The following PRPF6 variants were observed in gnomAD, a reference collection of about 807,000 sequenced individuals.
PRPF6 encodes the protein pre-mRNA-processing factor 6.
Under a neutral mutation model 118.3 loss-of-function variants are expected in PRPF6, and 42 were observed. The ratio of observed to expected loss-of-function variants is 0.35; its 90% CI spans 0.28 to 0.46. The LOEUF (loss-of-function observed/expected upper bound fraction) is 0.46, where lower values mean the gene tolerates loss of function less well. Among genes scored for constraint, PRPF6 ranks in the 20% least tolerant of loss-of-function variants. The pLI is 1.00. For synonymous variants in PRPF6, 481 were observed against 485.1 expected (o/e 0.99, Z 0.11); for missense variants, 662 against 1,255.7 (o/e 0.53, Z 7.15).
At chr20:64,016,954 T>TA in intron 12 of PRPF6, 109 bp downstream of exon 12, 1 of 1,280,172 alleles carries the variant, frequency 7.8e-7, no homozygotes, top group South Asian at 1.3e-5. Flanking sequence ...TTTTTTTTTT[T>TA]AAATCTGAGA....
intron 9 of PRPF6, among the ~76,000 whole-genome samples, chr20:64,007,004 T>C (rs1390739495): frequency 6.6e-6 from 1 of 152,244 alleles, no homozygotes; most frequent in African/African-American, 2.4e-5. Flanking sequence ...GACTTTTGTC[T>C]TCTCAGTCCC....
At chr20:64,000,201 A>G (rs913827879) in intron 8 of PRPF6, among the ~76,000 whole-genome samples, 4 of 151,980 alleles carry the variant, frequency 2.6e-5, no homozygotes, top group African/African-American at 7.3e-5. Context: ...TCACCCGCCT[A>G]ATGGTGGCCA....
rs776784719 is a variant in PRPF6, at chr20:64,032,835, C to G, written c.2674-6C>G. On this transcript the variant is annotated splice_region_variant and splice_polypyrimidine_tract_variant and intron_variant, in intron 20 of 20. Transcript: ENST00000266079. ...CCCTGCCTGACGTGCCCTGTGGTCCCCCCAGGAGCAGCAGGAGGAGGTGAG... is the reference window on the plus strand; with the variant it reads ...CCCTGCCTGACGTGCCCTGTGGTCCGCCCAGGAGCAGCAGGAGGAGGTGAG... 2 of 1,605,126 alleles carry G rather than the reference C, an allele frequency of 1.2e-6. No homozygotes were observed. The highest frequency in any genetic ancestry group is 2.7e-5 in the African/African-American group (2 of 74,716).
chr20:64,025,685 C>T (rs562238791), intron 14 of PRPF6, among the ~76,000 whole-genome samples: 50 of 152,330 alleles, frequency 3.3e-4, no homozygotes, highest in Non-Finnish European at 3.4e-4. Flanking sequence ...CGTTATTGCT[C>T]GAGTGCTTTA....
rs767880837 is a variant in PRPF6, at chr20:63,995,057, G to A, written c.580G>A (p.Gly194Arg). The change falls in exon 5 of 21, where the codon GGA (glycine) becomes AGA (arginine). Residue 194 changes from glycine (G) to arginine (R), a missense_variant. Physicochemically the swap from Gly to Arg is moderately radical, Grantham distance 125 (BLOSUM62 -2). Coordinates refer to ENST00000266079, the MANE Select transcript of PRPF6 (RefSeq NM_012469.4). ...DSFFAKHLQT[G>R]ENHTSVDPRQ... ...TTTCTTTGCCAAACATTTACAGACC[G>A]GAGAGAACCATACCTCAGTGGATCC... 7.4e-6 allele frequency: 12 copies of A among 1,614,000 alleles called. No individual in the cohort carries two copies. The highest frequency in any genetic ancestry group is 4.0e-5 in the African/African-American group (3 of 74,888).
chr20:63,981,299 G>A lies in PRPF6; in HGVS notation c.54G>A (p.Val18=), dbSNP rs1264303771. 6.2e-7 allele frequency: 1 copy of A among 1,605,424 alleles called. No individual in the cohort carries two copies. The highest frequency in any genetic ancestry group is 8.5e-7 in the Non-Finnish European group (1 of 1,176,216). The change falls in exon 1 of 21, where the codon GTG becomes GTA. Residue 18 remains valine, a synonymous_variant. Transcript: ENST00000266079. ...FLGMPAPLGY[V]PGLGRGATGF... ...GGATGCCCGCGCCCCTCGGCTACGT[G>A]CCGGGGCTGGGCCGGGGGTGAGGCC...
In PRPF6 at chr20:64,011,830, TGATACACCTAC is replaced by T. The variant is rs1259941312; in HGVS notation, c.1524+330_1524+340del. ...TGGCTTCTTTCTTTGCTAGTAGAAA[TGATACACCTAC>T]GAGAGGAGGACAGGAAGTCTCACGG... On this transcript the variant is annotated intron_variant, in intron 11 of 20. Transcript: ENST00000266079. The surrounding 1 kb of genome is among the most constrained non-coding windows in gnomAD (Gnocchi z 6.7). Among the ~76,000 whole-genome samples the T allele has an allele frequency of 2.7e-5, 3 of 110,778 alleles. No homozygotes were observed. Among genetic ancestry groups the T allele is most frequent in the African/African-American group, 3.8e-5 (1 of 26,096 alleles). 72.7% of individuals were successfully genotyped at this position (110,778 alleles called of 152,430 possible). A position where few individuals can be genotyped will look rare whatever the true frequency, so the allele number is the denominator to read the frequency against.
At chr20:64,020,808 A>G (rs1438057161) in intron 12 of PRPF6, among the ~76,000 whole-genome samples, 1 of 134,766 alleles carries the variant, frequency 7.4e-6, no homozygotes, top group East Asian at 2.2e-4. Flanking sequence ...TTTTTTTGAG[A>G]CAAGGTCTCT....
rs1016352825 is a variant in PRPF6, at chr20:63,981,150, C to T, written c.-96C>T. ...ACGCGACGACGGCGACACTTTGCTA[C>T]GGAGTGCATCGGACGTCGAAGCCTA... On this transcript the variant is annotated 5_prime_UTR_variant, in exon 1 of 21. It adds an upstream start codon to the 5' untranslated region. Transcript: ENST00000266079. 1.6e-5 allele frequency: 21 copies of T among 1,311,234 alleles called. No homozygotes were observed. The highest frequency in any genetic ancestry group is 2.2e-5 in the Non-Finnish European group (20 of 929,188). 81.2% of individuals were successfully genotyped at this position (1,311,234 alleles called of 1,614,324 possible).
chr20:63,994,081 C>G (rs567393177), intron 4 of PRPF6, among the ~76,000 whole-genome samples: 1 of 151,732 alleles, frequency 6.6e-6, no homozygotes, highest in Admixed American at 6.6e-5. Flanking sequence ...TAAACTGTGT[C>G]CCCTGGGCTT....
chr20:63,983,314 G>C lies in PRPF6; in HGVS notation c.240+99G>C, dbSNP rs969858262. 3.4e-6 allele frequency: 5 copies of C among 1,452,490 alleles called. No individual in the cohort carries two copies. In the Admixed American group the frequency reaches 8.5e-5, roughly 25 times the overall value. The allele number at this position is 1,452,490 out of a possible 1,614,324, so 90.0% of individuals were successfully genotyped here. ...TGTCTGTAATGAATGGCTTGGAGTG[G>C]CTCATGCATTTAAATTTTAGCTATT... On this transcript the variant is annotated intron_variant, in intron 2 of 20. Transcript: ENST00000266079.
Position 64,029,107 on chromosome 20 carries a change from C to T in PRPF6, c.2432-270C>T, listed in dbSNP as rs1464079345. Among the ~76,000 whole-genome samples the T allele has an allele frequency of 6.6e-6, 1 of 152,172 alleles. No homozygotes were observed. Among genetic ancestry groups the T allele is most frequent in the African/African-American group, 2.4e-5 (1 of 41,442 alleles). ...GCTTGAGCCCGGGAGTGGGAGGTTG[C>T]AGTGAGCTGAGATTGCGCCATTGCA... On this transcript the variant is annotated intron_variant, in intron 18 of 20. Coordinates refer to ENST00000266079, the MANE Select transcript of PRPF6 (RefSeq NM_012469.4). This position sits in a 1 kb window ranked among gnomAD's most constrained non-coding sequence, Gnocchi z 4.8.
chr20:63,991,137 C>T (rs1484846118), intron 3 of PRPF6, among the ~76,000 whole-genome samples: 1 of 152,072 alleles, frequency 6.6e-6, no homozygotes, highest in Admixed American at 6.5e-5. Flanking sequence ...TTTTAAAAAA[C>T]ATCAGGCTGG....
chr20:63,989,230 A>G (rs188656446), intron 3 of PRPF6, among the ~76,000 whole-genome samples: 1 of 152,326 alleles, frequency 6.6e-6, no homozygotes, highest in East Asian at 1.9e-4. Context: ...ACCACATACA[A>G]AAATCAAATT....
chr20:64,032,035 T>C lies in PRPF6; in HGVS notation c.2664T>C (p.His888=). The C allele has an allele frequency of 3.7e-6, 6 of 1,614,060 alleles. No individual in the cohort carries two copies. The highest frequency in any genetic ancestry group is 5.1e-6 in the Non-Finnish European group (6 of 1,180,026). The change falls in exon 20 of 21, where the codon CAT becomes CAC. Residue 888 remains histidine (H), a synonymous_variant. Coordinates refer to ENST00000266079, the MANE Select transcript of PRPF6 (RefSeq NM_012469.4). ...TCTTCTACAAGTTTGAGCTGCAGCATGGCACTGAGGTGAGGCCCCTCGACA... is the reference window on the plus strand; with the variant it reads ...TCTTCTACAAGTTTGAGCTGCAGCACGGCACTGAGGTGAGGCCCCTCGACA... ...WAFFYKFELQ[H]GTEEQQEEVR... is the part of the protein sequence containing the mutation.
chr20:64,025,568 G>A (rs1337727062), intron 14 of PRPF6, among the ~76,000 whole-genome samples: 1 of 152,246 alleles, frequency 6.6e-6, no homozygotes, highest in Non-Finnish European at 1.5e-5. Flanking sequence ...AGGGGAAAGA[G>A]CGAGGTTGCG....
chr20:63,989,875 G>T (rs1248056808), intron 3 of PRPF6, among the ~76,000 whole-genome samples: 2 of 151,956 alleles, frequency 1.3e-5, no homozygotes, highest in East Asian at 1.9e-4. Flanking sequence ...TTTATTTTTT[G>T]AAGATAATTT....
chr20:64,020,113 G>A (rs1038225218), intron 12 of PRPF6, among the ~76,000 whole-genome samples: 1 of 152,152 alleles, frequency 6.6e-6, no homozygotes, highest in East Asian at 1.9e-4. Context: ...ACTCCTTCTT[G>A]GTACAAGAAT....
chr20:63,991,976 A>G (rs2059120650), intron 3 of PRPF6, among the ~76,000 whole-genome samples: 1 of 152,152 alleles, frequency 6.6e-6, no homozygotes, highest in South Asian at 2.1e-4. Context: ...GTTAGAGGTG[A>G]ACTATTTACT....
Sources: allele counts gnomAD v4.1 joint callset (sites outside exome capture counted in the v4.1 genomes callset), GRCh38; gene constraint gnomAD v4.1.1; non-coding constraint Gnocchi (gnomAD v3.1); transcripts MANE v1.5; gene names NCBI Gene and HGNC (gene_info 2026-07-23, HGNC 2026-07-21).